Variants in NEDD4L observed in about 807,000 individuals in gnomAD.
NEDD4L encodes E3 ubiquitin-protein ligase NEDD4-like.
NEDD4L carries 54 observed loss-of-function variants against 148.9 expected under a neutral mutation model. The observed-to-expected ratio is 0.36, with a 90% CI of 0.29 to 0.45. The LOEUF is 0.45. Among genes scored for constraint, NEDD4L ranks in the 20% least tolerant of loss-of-function variants. NEDD4L has a pLI of 1.00. For synonymous variants in NEDD4L, 433 were observed against 440.7 expected (o/e 0.98, Z 0.22); for missense variants, 856 against 1,233.8 (o/e 0.69, Z 4.59).
intron 30 of NEDD4L, among the ~76,000 whole-genome samples, chr18:58,391,863 C>T (rs1443701658): frequency 6.6e-6 from 1 of 152,210 alleles, no homozygotes; most frequent in Admixed American, 6.5e-5. Context: ...ATAGATAAGG[C>T]AGCTCTCAAC....
At chr18:58,122,821 T>A (rs1244600863) in intron 1 of NEDD4L, among the ~76,000 whole-genome samples, 4 of 151,986 alleles carry the variant, frequency 2.6e-5, no homozygotes, top group Non-Finnish European at 5.9e-5. Context: ...CTGCAGTGTC[T>A]GCCTCCCAAG....
chr18:58,378,117 G>C (rs1601882425), intron 24 of NEDD4L, among the ~76,000 whole-genome samples: 1 of 152,156 alleles, frequency 6.6e-6, no homozygotes, highest in South Asian at 2.1e-4. Context: ...ACCATGGGCA[G>C]CAGCCATATA....
chr18:58,385,703 G>C (rs900067156), intron 26 of NEDD4L, 117 bp downstream of exon 26: 15 of 800,042 alleles, frequency 1.9e-5, no homozygotes, highest in Non-Finnish European at 3.2e-5. Flanking sequence ...GCGAGGCTGG[G>C]GACCCTGCAG....
At chr18:58,109,242 G>C (rs1361036876) in intron 1 of NEDD4L, among the ~76,000 whole-genome samples, 2 of 152,208 alleles carry the variant, frequency 1.3e-5, no homozygotes, top group African/African-American at 4.8e-5. Context: ...CAATTCAGGT[G>C]TGTTCAGGTT....
chr18:58,311,007 T>G (rs555765719), intron 5 of NEDD4L, among the ~76,000 whole-genome samples: 1 of 151,282 alleles, frequency 6.6e-6, no homozygotes, highest in African/African-American at 2.4e-5. Context: ...CTTAAGAAAC[T>G]CTAAACCTTT....
At chr18:58,072,094 G>A (rs2082898685) in intron 1 of NEDD4L, among the ~76,000 whole-genome samples, 1 of 152,144 alleles carries the variant, frequency 6.6e-6, no homozygotes, top group South Asian at 2.1e-4. Flanking sequence ...TTGAAAATCT[G>A]AATAGGCCAA....
chr18:58,235,711 G>A (rs963812545), intron 2 of NEDD4L, among the ~76,000 whole-genome samples: 2 of 152,050 alleles, frequency 1.3e-5, no homozygotes, highest in Non-Finnish European at 2.9e-5. Context: ...GACTTTCAGG[G>A]TTCCAAGGGA....
intron 5 of NEDD4L, among the ~76,000 whole-genome samples, chr18:58,310,673 A>G (rs3865415): frequency 0.54 from 81,701 of 152,072 alleles, 22,799 homozygotes; most frequent in African/African-American, 0.7. Context: ...CTCTGATTGC[A>G]TGATGGAAGC....
At position 58,396,334 on chromosome 18, in the gene NEDD4L, A is replaced by G. The variant is rs1164636984; in HGVS notation, c.*65A>G. On this transcript the variant is annotated 3_prime_UTR_variant, in exon 31 of 31. Transcript: ENST00000400345. ...TCTGCTTGCACTTTTGCATTTGCCT[A>G]ACAGACTTTTGCAGAGGCGATGGCA... is the stretch of plus-strand genomic sequence containing the variant. 1 of 1,155,780 alleles carries G rather than the reference A, an allele frequency of 8.7e-7. No homozygotes were observed. Among genetic ancestry groups the G allele is most frequent in the Non-Finnish European group, 1.3e-6 (1 of 781,912 alleles). The allele number at this position is 1,155,780 out of a possible 1,614,324, so 71.6% of individuals were successfully genotyped here. A position where few individuals can be genotyped will look rare whatever the true frequency, so the allele number is the denominator to read the frequency against.
At chr18:58,204,229 G>A (rs2041745669) in intron 2 of NEDD4L, among the ~76,000 whole-genome samples, 3 of 152,112 alleles carry the variant, frequency 2.0e-5, no homozygotes, top group Admixed American at 2.0e-4. Context: ...TCGGGAGGCT[G>A]AAGCAGGAGA....
intron 6 of NEDD4L, among the ~76,000 whole-genome samples, chr18:58,319,030 G>C (rs1001944493): frequency 2.6e-5 from 4 of 152,190 alleles, no homozygotes; most frequent in Non-Finnish European, 4.4e-5. Flanking sequence ...GTACTTGGAG[G>C]TAGCTCAGCT....
In NEDD4L at chr18:58,253,552, G is replaced by C. The variant is rs151287344; in HGVS notation, c.297+1498G>C. On this transcript the variant is annotated intron_variant, in intron 5 of 30. Coordinates refer to ENST00000400345, the MANE Select transcript of NEDD4L (RefSeq NM_001144967.3). The stretch of plus-strand genomic sequence containing the variant: ...CTTGTCTCTCCATCTCTCATCCAGT[G>C]AGGACCAAGTGAGTTAAGCAGTATT... Among the ~76,000 whole-genome samples the C allele has an allele frequency of 3.2e-4, 49 of 152,312 alleles. 1 individual carries two copies. In the East Asian group the frequency reaches 9.3e-3, roughly 29 times the overall value.
chr18:58,044,784 G>A, intron 1 of NEDD4L, 76 bp downstream of exon 1: 1 of 1,548,870 alleles, frequency 6.5e-7, no homozygotes. Flanking sequence ...GGGGAAAGGG[G>A]CCGTCCCCGG....
chr18:58,208,724 A>C (rs1261296006), intron 2 of NEDD4L, among the ~76,000 whole-genome samples: 1 of 152,180 alleles, frequency 6.6e-6, no homozygotes, highest in Non-Finnish European at 1.5e-5. Context: ...GTCACTTTTT[A>C]AAAGGGTACA....
intron 1 of NEDD4L, among the ~76,000 whole-genome samples, chr18:58,133,346 T>TAC (rs2032414285): frequency 6.6e-6 from 1 of 152,238 alleles, no homozygotes; most frequent in South Asian, 2.1e-4. Context: ...CAGGGCTCTC[T>TAC]GTAGCCCCAC....
chr18:58,309,669 A>T (rs2057453517), intron 5 of NEDD4L, among the ~76,000 whole-genome samples: 1 of 151,302 alleles, frequency 6.6e-6, no homozygotes, highest in Non-Finnish European at 1.5e-5. Flanking sequence ...CTGGGTCTTA[A>T]GTTCAGATTA....
chr18:58,188,355 A>T (rs1409755382), intron 2 of NEDD4L, among the ~76,000 whole-genome samples: 1 of 145,530 alleles, frequency 6.9e-6, no homozygotes, highest in African/African-American at 2.4e-5. Context: ...CTCCAAAAAC[A>T]TATTGTTGCC....
chr18:58,124,604 G>A (rs896908350), intron 1 of NEDD4L, among the ~76,000 whole-genome samples: 1 of 152,274 alleles, frequency 6.6e-6, no homozygotes, highest in Non-Finnish European at 1.5e-5. Context: ...ATTCCCACTT[G>A]AGGACCAAGA....
chr18:58,234,711 T>C (rs755244239), intron 2 of NEDD4L, among the ~76,000 whole-genome samples: 1 of 152,080 alleles, frequency 6.6e-6, no homozygotes, highest in Non-Finnish European at 1.5e-5. Context: ...TGGGGGAACA[T>C]AGTTCCCCAT....
Sources: gnomAD v4.1 joint callset for allele counts (sites outside exome capture counted in the v4.1 genomes callset) on GRCh38, gnomAD v4.1.1 for gene constraint, MANE v1.5 for transcripts, NCBI Gene and HGNC (gene_info 2026-07-23, HGNC 2026-07-21) for gene names.